The following ODF2L variants were observed in gnomAD, a reference collection of about 807,000 sequenced individuals.
The protein encoded by ODF2L is outer dense fiber of sperm tails 2 like.
Under a neutral mutation model 86.3 loss-of-function variants are expected in ODF2L, and 76 were observed. The observed-to-expected ratio is 0.88, with a 90% CI of 0.73 to 1.07. The LOEUF is 1.07. ODF2L is among the 50% of genes least tolerant of loss of function. The probability of loss-of-function intolerance (pLI) is 0.00; values close to 1 mark genes in which losing one functional copy is unlikely to be tolerated. For synonymous variants in ODF2L, 241 were observed against 231.3 expected, an observed-to-expected ratio of 1.04 and a Z score of -0.38; for missense variants, 748 against 717.4, an observed-to-expected ratio of 1.04 and a Z score of -0.49.
chr1:86,372,263 T>C (rs774631485), intron 9 of ODF2L, among the ~76,000 whole-genome samples, 168 bp downstream of exon 9: 2 of 151,692 alleles, frequency 1.3e-5, no homozygotes, highest in African/African-American at 2.4e-5. Flanking sequence ...TTTTTAATAA[T>C]AGAGTAAGAA....
intron 1 of ODF2L, among the ~76,000 whole-genome samples, chr1:86,388,461 T>C (rs1338005744): frequency 2.0e-5 from 3 of 152,080 alleles, no homozygotes; most frequent in Non-Finnish European, 2.9e-5. Context: ...AGAAAGAATG[T>C]CTTTTTTATA....
intron 11 of ODF2L, among the ~76,000 whole-genome samples, chr1:86,368,381 A>G (rs1659585217): frequency 3.3e-5 from 5 of 152,162 alleles, no homozygotes; most frequent in African/African-American, 1.2e-4. Flanking sequence ...GACTAATTAG[A>G]AGGTTAATAT....
chr1:86,379,025 GTTGT>G lies in ODF2L; in HGVS notation c.625-2611_625-2608del, dbSNP rs148529994. Among the ~76,000 whole-genome samples the G allele has an allele frequency of 5.5e-3, 834 of 151,016 alleles. 2 individuals are homozygous for G. Among genetic ancestry groups the G allele is most frequent in the African/African-American group, 0.019 (788 of 41,410 alleles). ...AGTGAGTGAGTTCTTGCGAAATCAG[GTTGT>G]TTAAAAGTGTGCAGCACCTCCCTAC... On this transcript the variant is annotated intron_variant, in intron 7 of 17. Coordinates refer to ENST00000317336, the Ensembl canonical transcript of ODF2L.
At chr1:86,379,414 A>G (rs1401380859) in intron 7 of ODF2L, among the ~76,000 whole-genome samples, 3 of 152,208 alleles carry the variant, frequency 2.0e-5, no homozygotes, top group Admixed American at 6.5e-5. Flanking sequence ...TAACTTCCTT[A>G]AAACTTCTGT....
intron 1 of ODF2L, among the ~76,000 whole-genome samples, chr1:86,388,723 G>C (rs1661114212): frequency 6.6e-6 from 1 of 151,944 alleles, no homozygotes; most frequent in South Asian, 2.1e-4. Context: ...ACACTAGTTT[G>C]GTATCGGTAT....
At chr1:86,384,794 A>G (rs1012686315) in exon 4 of ODF2L, 1 of 1,506,854 alleles carries the variant, frequency 6.6e-7, no homozygotes, top group Non-Finnish European at 8.8e-7. Flanking sequence ...CAATGCAGAA[A>G]GATTCGCCTG....
At chr1:86,376,964 T>A (rs1427764744) in intron 7 of ODF2L, among the ~76,000 whole-genome samples, 1 of 152,150 alleles carries the variant, frequency 6.6e-6, no homozygotes, top group Non-Finnish European at 1.5e-5. Flanking sequence ...TCCTCCAAAG[T>A]CTTACTTCAT....
In ODF2L at chr1:86,383,756, G is replaced by A. The variant is rs1660746522; in HGVS notation, c.373-560C>T. On this transcript the variant is annotated intron_variant, in intron 4 of 17. Transcript: ENST00000317336. ...ATGCAAAATTGTACACGGAATTTCAGAGGGTACATGGATTTCATAAAGGTC... is the reference window on the plus strand; with the variant it reads ...ATGCAAAATTGTACACGGAATTTCAAAGGGTACATGGATTTCATAAAGGTC... Among the ~76,000 whole-genome samples the A allele has an allele frequency of 2.0e-5, 3 of 151,712 alleles. No individual in the cohort carries two copies. In the South Asian group the frequency reaches 6.2e-4, roughly 31 times the overall value.
intron 14 of ODF2L, chr1:86,356,029 C>T (rs1658536606): frequency 8.5e-6 from 2 of 234,182 alleles, no homozygotes; most frequent in South Asian, 9.6e-5. Context: ...AAAAGTAAAA[C>T]AGGAAAAAGA....
intron 13 of ODF2L, chr1:86,357,681 T>TA: frequency 1.1e-6 from 1 of 906,202 alleles, no homozygotes; most frequent in Non-Finnish European, 1.3e-6. Context: ...TCAGTGTCCT[T>TA]AAAACATCTT....
chr1:86,380,436 T>C (rs1233548918), intron 7 of ODF2L, among the ~76,000 whole-genome samples: 2 of 152,140 alleles, frequency 1.3e-5, no homozygotes, highest in Non-Finnish European at 2.9e-5. Context: ...CAGGAAACAC[T>C]GTTGTCATTC....
chr1:86,387,290 T>C (rs558200094), intron 1 of ODF2L, among the ~76,000 whole-genome samples: 2 of 152,194 alleles, frequency 1.3e-5, no homozygotes, highest in Admixed American at 6.5e-5. Context: ...CCAATTTCCA[T>C]ACACTGTTTC....
chr1:86,360,428 G>A lies in ODF2L; in HGVS notation c.1252C>T (p.Gln418Ter). Residue 418 changes from glutamine (Q) to a stop codon, truncating the protein, a stop_gained and splice_region_variant, in exon 12 of 18, where the codon CAG becomes TAG. Transcript: ENST00000317336. LOFTEE classifies it high-confidence loss of function. ...ACTAAAATAAATGCAGTAGTCACCT[G>A]AGTTTTATACATTTCAATAAGGGTT... is the stretch of plus-strand genomic sequence containing the variant. 7.2e-7 allele frequency: 1 copy of A among 1,398,216 alleles called. No homozygotes were observed. Among genetic ancestry groups the A allele is most frequent in the Non-Finnish European group, 1.0e-6 (1 of 996,692 alleles). 86.6% of individuals were successfully genotyped at this position (1,398,216 alleles called of 1,614,324 possible).
downstream of ODF2L, chr1:86,348,031 A>T (rs1657896278): frequency 6.6e-6 from 1 of 152,154 alleles, no homozygotes; most frequent in Non-Finnish European, 1.5e-5. Flanking sequence ...TATTTAACTA[A>T]GGGGCTCTAG....
In ODF2L at chr1:86,381,615, G is replaced by GA. The variant is rs1222984226; in HGVS notation, c.624+626dup. 4.0e-3 allele frequency among the ~76,000 whole-genome samples: 566 copies of GA among 142,666 alleles called. 1 individual carries two copies. Among genetic ancestry groups the GA allele is most frequent in the Non-Finnish European group, 6.5e-3 (420 of 64,952 alleles). 93.6% of individuals were successfully genotyped at this position (142,666 alleles called of 152,430 possible). A position where few individuals can be genotyped will look rare whatever the true frequency, so the allele number is the denominator to read the frequency against. Reference sequence around the variant, plus strand: ...GAATATTGCTTCTTTGCCTTTGGCGGAAAAAAAAAAAGAGTTACCTTATAT... The same window carrying GA: ...GAATATTGCTTCTTTGCCTTTGGCGGAAAAAAAAAAAAGAGTTACCTTATAT... On this transcript the variant is annotated intron_variant, in intron 7 of 17. Transcript: ENST00000317336.
Position 86,395,123 on chromosome 1 carries a change from G to A in ODF2L, c.-60+910C>T, listed in dbSNP as rs1661638813. 3.9e-5 allele frequency among the ~76,000 whole-genome samples: 6 copies of A among 152,276 alleles called. No individual in the cohort carries two copies. The South Asian group carries it at 1.2e-3, about 32-fold the overall frequency. Reference sequence around the variant, plus strand: ...CTCCCAAAGTGCTGGGATTACAGGCGTGAGCCACCGCGCCCGGCCCGGTTT... The same window carrying A: ...CTCCCAAAGTGCTGGGATTACAGGCATGAGCCACCGCGCCCGGCCCGGTTT... On this transcript the variant is annotated intron_variant, in intron 1 of 17. Coordinates refer to ENST00000317336, the Ensembl canonical transcript of ODF2L.
At chr1:86,378,355 C>T (rs1239084509) in intron 7 of ODF2L, among the ~76,000 whole-genome samples, 1 of 152,204 alleles carries the variant, frequency 6.6e-6, no homozygotes, top group Non-Finnish European at 1.5e-5. Flanking sequence ...AAGTTCCAAG[C>T]TCTCCCACAT....
exon 18 of ODF2L, chr1:86,350,263 G>T (rs887446580): frequency 6.6e-6 from 1 of 152,000 alleles, no homozygotes; most frequent in Non-Finnish European, 1.5e-5. Flanking sequence ...AGCCCCCCAC[G>T]CCCTGACAGG....
Position 86,388,776 on chromosome 1 carries a change from C to A in ODF2L, c.-59-1690G>T, listed in dbSNP as rs566492775. ...TAAAAGTTTTATCATAAGATAAAGTCATAAAATTTTTCTGCTTCATCACCT... is the reference window on the plus strand; with the variant it reads ...TAAAAGTTTTATCATAAGATAAAGTAATAAAATTTTTCTGCTTCATCACCT... On this transcript the variant is annotated intron_variant, in intron 1 of 17. Coordinates refer to ENST00000317336, the Ensembl canonical transcript of ODF2L. 5.3e-5 allele frequency among the ~76,000 whole-genome samples: 8 copies of A among 152,128 alleles called. No homozygotes were observed. The East Asian group carries it at 1.5e-3, about 29-fold the overall frequency.
Sources: allele counts gnomAD v4.1 joint callset (sites outside exome capture counted in the v4.1 genomes callset), GRCh38; gene constraint gnomAD v4.1.1; transcripts MANE v1.5; gene names NCBI Gene and HGNC (gene_info 2026-07-23, HGNC 2026-07-21).